Variants in AKAP13 observed in about 807,000 individuals in gnomAD.
AKAP13 encodes the protein A-kinase anchoring protein 13.
Under a neutral mutation model 264.5 loss-of-function variants are expected in AKAP13, and 80 were observed. The ratio of observed to expected loss-of-function variants is 0.30; its 90% CI spans 0.25 to 0.36. AKAP13 has a LOEUF of 0.36. Among genes scored for constraint, AKAP13 ranks in the 10% least tolerant of loss-of-function variants. The pLI, the probability that AKAP13 is intolerant of heterozygous loss-of-function variation, is 1.00. For missense variants in AKAP13, 3,712 were observed against 3,435.2 expected, an observed-to-expected ratio of 1.08 and a Z score of -2.01; for synonymous variants, 1,380 against 1,250.2, an observed-to-expected ratio of 1.10 and a Z score of -2.19.
Position 85,732,949 on chromosome 15 carries a change from G to A in AKAP13, c.7283-2043G>A, listed in dbSNP as rs1042584270. ...TTTTACTTGCTGTCCGCATTCTCCC[G>A]TTTTTGAAAAAATAGTTGTGCTGTG... On this transcript the variant is annotated intron_variant, in intron 30 of 36. Coordinates refer to ENST00000394518, the MANE Select transcript of AKAP13 (RefSeq NM_007200.5). 2.0e-5 allele frequency among the ~76,000 whole-genome samples: 3 copies of A among 151,906 alleles called. No homozygotes were observed. The South Asian group carries it at 6.2e-4, about 32-fold the overall frequency.
chr15:85,641,089 C>T (rs2082286576), intron 9 of AKAP13, among the ~76,000 whole-genome samples: 1 of 152,102 alleles, frequency 6.6e-6, no homozygotes, highest in Non-Finnish European at 1.5e-5. Flanking sequence ...CTTTGTTTTG[C>T]AGGTTTCTGT....
Position 85,718,825 on chromosome 15 carries a change from A to T in AKAP13, c.6002-251A>T. ...TAAAGCAGAAAGATCGCTTGAGCCCAGGAGGTTGAGGCTGCAATGAGCCAT... is the reference window on the plus strand; with the variant it reads ...TAAAGCAGAAAGATCGCTTGAGCCCTGGAGGTTGAGGCTGCAATGAGCCAT... On this transcript the variant is annotated intron_variant, in intron 22 of 36. Transcript: ENST00000394518. The surrounding 1 kb of genome is among the most constrained non-coding windows in gnomAD (Gnocchi z 4.9). 1 of 446,652 alleles carries T rather than the reference A, an allele frequency of 2.2e-6. No homozygotes were observed. The allele number at this position is 446,652 out of a possible 1,614,324, so 27.7% of individuals were successfully genotyped here.
intron 10 of AKAP13, among the ~76,000 whole-genome samples, chr15:85,649,229 A>G (rs530972242): frequency 2.0e-5 from 3 of 152,228 alleles, no homozygotes; most frequent in East Asian, 1.9e-4. Flanking sequence ...AGGTAAAGAA[A>G]TGTATCCAGA....
rs566713560 is a variant in AKAP13, at chr15:85,461,667, CT to C, written c.-11-24036del. 4.5e-3 allele frequency among the ~76,000 whole-genome samples: 691 copies of C among 151,880 alleles called. 3 individuals carry two copies. Among genetic ancestry groups the C allele is most frequent in the Non-Finnish European group, 8.1e-3 (553 of 67,952 alleles). On this transcript the variant is annotated intron_variant, in intron 1 of 36. Transcript: ENST00000394518. ...GGGAAGTCTCTTTCCTTCTTGTTAA[CT>C]TTTTTTCTTTCTGCTCCTATTTTCT...
At chr15:85,629,656 T>C (rs1301843582) in intron 8 of AKAP13, among the ~76,000 whole-genome samples, 1 of 151,548 alleles carries the variant, frequency 6.6e-6, no homozygotes, top group Non-Finnish European at 1.5e-5. Context: ...GTTTTCTTCC[T>C]CTCTAAAATG....
At chr15:85,433,117 G>GTTTTTTTTTTTTTTTTTTTTTTTTTTTT (rs199655190) in intron 1 of AKAP13, among the ~76,000 whole-genome samples, 1 of 53,230 alleles carries the variant, frequency 1.9e-5, no homozygotes, top group African/African-American at 7.9e-5. Flanking sequence ...CTTCTGTACA[G>GTTTTTTTTTTTTTTTTTTTTTTTTTTTT]TTTTTTTTTT....
chr15:85,525,060 T>G (rs2151167895), intron 3 of AKAP13, among the ~76,000 whole-genome samples: 1 of 146,062 alleles, frequency 6.8e-6, no homozygotes, highest in East Asian at 2.0e-4. Flanking sequence ...ATCTTTAAAT[T>G]TTTTTTTTTT....
intron 12 of AKAP13, among the ~76,000 whole-genome samples, chr15:85,659,202 C>T (rs2083229686): frequency 6.6e-6 from 1 of 152,140 alleles, no homozygotes; most frequent in Non-Finnish European, 1.5e-5. Context: ...GATTTATAAG[C>T]TGAGAAGTAA....
chr15:85,494,863 AAG>A (rs1383887249), intron 2 of AKAP13, among the ~76,000 whole-genome samples: 1 of 152,162 alleles, frequency 6.6e-6, no homozygotes, highest in Non-Finnish European at 1.5e-5. Context: ...TGGGCTAAGT[AAG>A]AGAAAAAAAT....
At chr15:85,707,503 A>G (rs1476197010) in intron 17 of AKAP13, among the ~76,000 whole-genome samples, 1 of 152,204 alleles carries the variant, frequency 6.6e-6, no homozygotes, top group Non-Finnish European at 1.5e-5. Flanking sequence ...CAGATTTTAT[A>G]TTCTGTGCTT....
intron 2 of AKAP13, among the ~76,000 whole-genome samples, chr15:85,492,454 C>CT (rs750601964): frequency 5.9e-5 from 9 of 152,204 alleles, no homozygotes; most frequent in Non-Finnish European, 1.2e-4. Flanking sequence ...TCTATCAACT[C>CT]TTGTTAAATT....
At chr15:85,408,552 A>G (rs1169917158) in intron 1 of AKAP13, among the ~76,000 whole-genome samples, 2 of 151,798 alleles carry the variant, frequency 1.3e-5, no homozygotes, top group East Asian at 1.9e-4. Flanking sequence ...TATTCTGGGT[A>G]CTATATGTAA....
In AKAP13 at chr15:85,743,515, G is replaced by T. The variant is rs772513824; in HGVS notation, c.8082G>T (p.Leu2694=). 1 of 1,614,090 alleles carries T rather than the reference G, an allele frequency of 6.2e-7. No individual in the cohort carries two copies. The highest frequency in any genetic ancestry group is 1.1e-5 in the South Asian group (1 of 91,076). Residue 2694 remains leucine, a synonymous_variant, in exon 36 of 37, where the codon CTG becomes CTT. Transcript: ENST00000394518. Reference sequence around the variant, plus strand: ...AGGTTTCCCATCCACATACCAAGCTGATGAGGATCCCATCGTTCTTCCCCA... The same window carrying T: ...AGGTTTCCCATCCACATACCAAGCTTATGAGGATCCCATCGTTCTTCCCCA... ...LCQVSHPHTK[L]MRIPSFFPSP...
At chr15:85,388,587 T>A (rs1452092596) in intron 1 of AKAP13, among the ~76,000 whole-genome samples, 1 of 152,240 alleles carries the variant, frequency 6.6e-6, no homozygotes, top group Non-Finnish European at 1.5e-5. Flanking sequence ...TATTGAATGT[T>A]GTCAAAGGTT....
intron 1 of AKAP13, among the ~76,000 whole-genome samples, chr15:85,434,060 GT>G (rs1343730209): frequency 2.0e-5 from 3 of 149,326 alleles, no homozygotes; most frequent in African/African-American, 7.4e-5. Context: ...TCCATCTGAG[GT>G]ACCAGGTTTA....
Position 85,720,120 on chromosome 15 carries a change from A to T in AKAP13, c.6252+794A>T, listed in dbSNP as rs553367902. ...GTGGTAGTGCACACTTGTGGTCCCAACCACTCAGGAGCCCGAGGTGGGAGG... is the reference window on the plus strand; with the variant it reads ...GTGGTAGTGCACACTTGTGGTCCCATCCACTCAGGAGCCCGAGGTGGGAGG... On this transcript the variant is annotated intron_variant, in intron 23 of 36. Transcript: ENST00000394518. Among the ~76,000 whole-genome samples the T allele has an allele frequency of 7.2e-5, 11 of 152,036 alleles. No homozygotes were observed. The South Asian group carries it at 2.3e-3, about 32-fold the overall frequency.
intron 1 of AKAP13, among the ~76,000 whole-genome samples, chr15:85,432,746 A>T (rs2073077681): frequency 2.0e-5 from 3 of 152,168 alleles, no homozygotes; most frequent in South Asian, 2.1e-4. Flanking sequence ...ACTAATTTCC[A>T]TCACTTTGAG....
chr15:85,747,742 C>T lies in AKAP13; in HGVS notation c.*3065C>T, dbSNP rs573361742. ...GCAAACTGCCACTTTCAACCTTTGC[C>T]AGTATTCCCTCTACCCCCGTGAGAG... is the stretch of plus-strand genomic sequence containing the variant. On this transcript the variant is annotated 3_prime_UTR_variant, in exon 37 of 37. Coordinates refer to ENST00000394518, the MANE Select transcript of AKAP13 (RefSeq NM_007200.5). 91 of 152,768 alleles carry T rather than the reference C, an allele frequency of 6.0e-4. No homozygotes were observed. Among genetic ancestry groups the T allele is most frequent in the Non-Finnish European group, 9.8e-4 (67 of 68,030 alleles). The allele number at this position is 152,768 out of a possible 1,614,324, so 9.5% of individuals were successfully genotyped here. A position where few individuals can be genotyped will look rare whatever the true frequency, so the allele number is the denominator to read the frequency against.
At chr15:85,550,878 G>C (rs554615615) in intron 5 of AKAP13, among the ~76,000 whole-genome samples, 20 of 152,340 alleles carry the variant, frequency 1.3e-4, no homozygotes, top group Non-Finnish European at 2.4e-4. Context: ...GGAAACTAGA[G>C]AATGGGGGAG....
Sources: allele counts gnomAD v4.1 joint callset (sites outside exome capture counted in the v4.1 genomes callset), GRCh38; gene constraint gnomAD v4.1.1; non-coding constraint Gnocchi (gnomAD v3.1); transcripts MANE v1.5; gene names NCBI Gene and HGNC (gene_info 2026-07-23, HGNC 2026-07-21).